The following TOX2 variants were observed in gnomAD, a reference collection of about 807,000 sequenced individuals.
The protein encoded by TOX2 is TOX high mobility group box family member 2, also known as granulosa cell HMG box 1.
TOX2 carries 15 observed loss-of-function variants against 47.4 expected under a neutral mutation model. That is an observed-to-expected ratio of 0.32 (90% confidence interval 0.21 to 0.49). TOX2 has a LOEUF of 0.49. Ranked by LOEUF, TOX2 falls within the 20% of genes least tolerant of loss-of-function variation. The pLI, the probability that TOX2 is intolerant of heterozygous loss-of-function variation, is 0.99. For synonymous variants in TOX2, 290 were observed against 296.6 expected (o/e 0.98, Z 0.23); for missense variants, 622 against 673.1 (o/e 0.92, Z 0.84).
intron 1 of TOX2, among the ~76,000 whole-genome samples, chr20:43,959,399 T>C (rs2069719914): frequency 6.6e-6 from 1 of 152,240 alleles, no homozygotes; most frequent in Non-Finnish European, 1.5e-5. Context: ...TCCTGTGTTA[T>C]CTGGTACTGA....
At chr20:44,038,452 A>G (rs905225033) in intron 3 of TOX2, among the ~76,000 whole-genome samples, 2 of 152,138 alleles carry the variant, frequency 1.3e-5, no homozygotes, top group Non-Finnish European at 2.9e-5. Flanking sequence ...GCACAATTGA[A>G]CATAGCCGTT....
At chr20:43,965,068 C>G (rs1307699045) in intron 1 of TOX2, among the ~76,000 whole-genome samples, 8 of 152,172 alleles carry the variant, frequency 5.3e-5, no homozygotes, top group Admixed American at 5.2e-4. Flanking sequence ...CATTGGTATA[C>G]TTCGCAAGGG....
At chr20:43,928,997 A>AAAAAAAAAAC (rs540054093) in intron 1 of TOX2, among the ~76,000 whole-genome samples, 184 of 149,612 alleles carry the variant, frequency 1.2e-3, no homozygotes, top group African/African-American at 4.3e-3. Context: ...AAAAAAAAAA[A>AAAAAAAAAAC]AACAACAACA....
intron 1 of TOX2, among the ~76,000 whole-genome samples, chr20:43,961,474 C>G (rs1340040115): frequency 6.6e-6 from 1 of 152,144 alleles, no homozygotes; most frequent in Non-Finnish European, 1.5e-5. Context: ...GAGAGCCACG[C>G]AGAGGCCTTA....
At position 43,927,659 on chromosome 20, in the gene TOX2, CCCTT is replaced by C. The variant is rs1490715554; in HGVS notation, c.99+12682_99+12685del. ...TCCTTCCTCCCCTTCCCTTCCCTTCCCCTTCCTTCCTTCCTTTCTTCCTTCCTTC... is the reference window on the plus strand; with the variant it reads ...TCCTTCCTCCCCTTCCCTTCCCTTCCCCTTCCTTCCTTTCTTCCTTCCTTC... On this transcript the variant is annotated intron_variant, in intron 1 of 8. Transcript: ENST00000341197. Among the ~76,000 whole-genome samples the C allele has an allele frequency of 1.8e-4, 20 of 112,822 alleles. 1 individual carries two copies. Among genetic ancestry groups the C allele is most frequent in the African/African-American group, 7.0e-4 (14 of 20,006 alleles). 74.0% of individuals were successfully genotyped at this position (112,822 alleles called of 152,430 possible).
intron 3 of TOX2, among the ~76,000 whole-genome samples, chr20:44,011,772 C>T (rs774318844): frequency 1.3e-5 from 2 of 152,210 alleles, no homozygotes; most frequent in Admixed American, 1.3e-4. Flanking sequence ...CATTTGACAG[C>T]CATCTCATAA....
intron 1 of TOX2, among the ~76,000 whole-genome samples, chr20:43,963,018 A>G (rs1222460594): frequency 2.0e-5 from 3 of 152,116 alleles, no homozygotes; most frequent in Non-Finnish European, 4.4e-5. Context: ...CTTGCTCTGA[A>G]GTCTTTGAGA....
intron 1 of TOX2, among the ~76,000 whole-genome samples, chr20:43,925,667 G>A (rs896048673): frequency 3.9e-5 from 6 of 152,196 alleles, no homozygotes; most frequent in Admixed American, 6.5e-5. Context: ...TAGGTGTTGG[G>A]TGCCGGTTCC....
intron 1 of TOX2, among the ~76,000 whole-genome samples, chr20:43,936,053 T>C (rs1204079285): frequency 6.6e-6 from 1 of 152,148 alleles, no homozygotes; most frequent in African/African-American, 2.4e-5. Flanking sequence ...TTAGCTTCCT[T>C]TTGGAGACCC....
At chr20:43,959,723 A>G (rs908072398) in intron 1 of TOX2, among the ~76,000 whole-genome samples, 3 of 152,228 alleles carry the variant, frequency 2.0e-5, no homozygotes, top group Non-Finnish European at 4.4e-5. Flanking sequence ...ACGTACGCTC[A>G]TGCGGCTTTT....
intron 1 of TOX2, among the ~76,000 whole-genome samples, chr20:43,962,436 C>T (rs546209312): frequency 7.9e-5 from 12 of 152,322 alleles, no homozygotes; most frequent in African/African-American, 2.9e-4. Flanking sequence ...TCCAGCTGCC[C>T]AGGTCCCCAG....
rs754898188 is a variant in TOX2, at chr20:44,068,671, G to A, written c.1506G>A (p.Ser502=). ...ACAGCCTGCTCCCCAGGGACAAATC[G>A]CTCTACCTCACCTAATCCCGCCTCC... ...STCSLLPRDK[S]LYLT Residue 502 remains serine (S), a synonymous_variant, in exon 9 of 9, where the codon TCG becomes TCA. Transcript: ENST00000341197. The A allele has an allele frequency of 3.1e-5, 50 of 1,613,596 alleles. No homozygotes were observed. Among genetic ancestry groups the A allele is most frequent in the South Asian group, 5.5e-5 (5 of 91,070 alleles).
Position 44,048,410 on chromosome 20 carries a change from ATATG to A in TOX2, c.412-2892_412-2889del, listed in dbSNP as rs199748999. Reference sequence around the variant, plus strand: ...AATTTATATATATATATATATATATATATGTATAATTTACCAAAACTGACTCGAG... The same window carrying A: ...AATTTATATATATATATATATATATATATAATTTACCAAAACTGACTCGAG... On this transcript the variant is annotated intron_variant, in intron 3 of 8. Transcript: ENST00000341197. Among the ~76,000 whole-genome samples the A allele has an allele frequency of 1.9e-3, 260 of 135,068 alleles. 21 individuals carry two copies. The highest frequency in any genetic ancestry group is 4.2e-3 in the African/African-American group (151 of 36,096). The allele number at this position is 135,068 out of a possible 152,430, so 88.6% of individuals were successfully genotyped here. A position where few individuals can be genotyped will look rare whatever the true frequency, so the allele number is the denominator to read the frequency against.
intron 1 of TOX2, among the ~76,000 whole-genome samples, chr20:43,951,722 T>TTTTTTTTTTTTTTTTTTTTTTTG (rs1569027227): frequency 7.5e-6 from 1 of 133,796 alleles, no homozygotes; most frequent in Non-Finnish European, 1.6e-5. Context: ...TTTTTTTTTT[T>TTTTTTTTTTTTTTTTTTTTTTTG]TTTTTTAGAG....
At chr20:44,051,573 A>G (rs2071512565) in intron 4 of TOX2, 28 bp downstream of exon 4, 6 of 1,539,174 alleles carry the variant, frequency 3.9e-6, no homozygotes, top group Non-Finnish European at 5.3e-6. Context: ...ACAGAGCCTG[A>G]AGCTGCCCTC....
At chr20:44,021,636 G>A (rs1453491290) in intron 3 of TOX2, among the ~76,000 whole-genome samples, 2 of 151,662 alleles carry the variant, frequency 1.3e-5, no homozygotes, top group East Asian at 1.9e-4. Flanking sequence ...CCACTAGGTC[G>A]ACTTTTTTTT....
chr20:43,996,337 A>G (rs1217611308), intron 2 of TOX2, among the ~76,000 whole-genome samples: 1 of 152,218 alleles, frequency 6.6e-6, no homozygotes, highest in East Asian at 1.9e-4. Context: ...GGGCGACCAT[A>G]TAATTTACTG....
At chr20:44,053,582 T>TAC (rs879736871) in intron 4 of TOX2, among the ~76,000 whole-genome samples, 54 of 135,046 alleles carry the variant, frequency 4.0e-4, no homozygotes, top group Admixed American at 7.3e-4. Context: ...CACATATATA[T>TAC]ACTATATATA....
At chr20:43,987,480 C>CTGTA (rs2070286727) in intron 2 of TOX2, among the ~76,000 whole-genome samples, 1 of 152,104 alleles carries the variant, frequency 6.6e-6, no homozygotes, top group African/African-American at 2.4e-5. Context: ...ATTCATTGAG[C>CTGTA]TGTACATTTA....
Sources: gnomAD v4.1 joint callset for allele counts (sites outside exome capture counted in the v4.1 genomes callset) on GRCh38, gnomAD v4.1.1 for gene constraint, MANE v1.5 for transcripts, NCBI Gene and HGNC (gene_info 2026-07-23, HGNC 2026-07-21) for gene names.